The following GCNT2 variants were observed in gnomAD, a reference collection of about 807,000 sequenced individuals.
GCNT2 encodes glucosaminyl (N-acetyl) transferase 2 (I blood group), also known as N-acetyllactosaminide beta-1,6-N-acetylglucosaminyl-transferase.
A neutral mutation model predicts 34.2 loss-of-function variants in GCNT2; 34 were observed. The ratio of observed to expected loss-of-function variants is 1.00; its 90% CI spans 0.76 to 1.32. GCNT2 has a LOEUF of 1.32. GCNT2 is among the 40% of genes most tolerant of loss of function. The pLI is 0.00. For synonymous variants in GCNT2, 212 were observed against 188.0 expected (o/e 1.13, Z -1.04); for missense variants, 584 against 489.4 (o/e 1.19, Z -1.82).
chr6:10,523,701 T>C (rs535348041), intron 1 of GCNT2, among the ~76,000 whole-genome samples: 1 of 151,840 alleles, frequency 6.6e-6, no homozygotes, highest in Non-Finnish European at 1.5e-5. Flanking sequence ...GGCCGGGCGC[T>C]GTGGCTCATG....
Position 10,541,968 on chromosome 6 carries a change from T to TGGA in GCNT2, c.925+12135_925+12137dup, listed in dbSNP as rs1296447893. Reference sequence around the variant, plus strand: ...TTGCTGCTGCCAGAAAGCAGAATCTTGGAGGGTAGGGAGCTTTATATCTTT... The same window carrying TGGA: ...TTGCTGCTGCCAGAAAGCAGAATCTTGGAGGAGGGTAGGGAGCTTTATATCTTT... On this transcript the variant is annotated intron_variant, in intron 3 of 4. Transcript: ENST00000495262. Among the ~76,000 whole-genome samples, 16 of 152,272 alleles carry TGGA rather than the reference T, an allele frequency of 1.1e-4. No homozygotes were observed. The East Asian group carries it at 3.1e-3, about 29-fold the overall frequency.
intron 3 of GCNT2, among the ~76,000 whole-genome samples, chr6:10,558,165 G>A (rs1762808417): frequency 6.6e-6 from 1 of 152,154 alleles, no homozygotes; most frequent in Non-Finnish European, 1.5e-5. Flanking sequence ...CTATTTGCAT[G>A]GGTTTGTTCT....
intron 3 of GCNT2, among the ~76,000 whole-genome samples, chr6:10,549,667 G>C (rs947664639): frequency 1.3e-5 from 2 of 148,708 alleles, no homozygotes; most frequent in Admixed American, 6.8e-5. Context: ...CGCCTCTCAG[G>C]CTCAAGCAAT....
intron 3 of GCNT2, among the ~76,000 whole-genome samples, chr6:10,611,551 G>A (rs575723863): frequency 1.8e-3 from 280 of 151,970 alleles, no homozygotes; most frequent in Admixed American, 3.6e-3. Context: ...GGATGGTCTC[G>A]ATCTCTTGAT....
intron 3 of GCNT2, chr6:10,574,806 C>A (rs1763723864): frequency 1.6e-6 from 1 of 626,638 alleles, no homozygotes; most frequent in African/African-American, 1.8e-5. Flanking sequence ...CACTGGCTCT[C>A]ATAAAGTGTG....
At chr6:10,611,694 A>G (rs1765564124) in intron 3 of GCNT2, among the ~76,000 whole-genome samples, 1 of 151,980 alleles carries the variant, frequency 6.6e-6, no homozygotes, top group Admixed American at 6.5e-5. Flanking sequence ...CAAGTTATTT[A>G]ACACTACAAT....
chr6:10,564,660 G>C (rs892873171), intron 3 of GCNT2, among the ~76,000 whole-genome samples: 1 of 152,152 alleles, frequency 6.6e-6, no homozygotes, highest in African/African-American at 2.4e-5. Context: ...GTGTGACCTC[G>C]GACAAAGTAC....
At chr6:10,523,709 A>T (rs1052796692) in intron 1 of GCNT2, among the ~76,000 whole-genome samples, 1 of 152,056 alleles carries the variant, frequency 6.6e-6, no homozygotes, top group African/African-American at 2.4e-5. Flanking sequence ...GCTGTGGCTC[A>T]TGCCTGTAAT....
At chr6:10,542,184 T>C (rs956115367) in intron 3 of GCNT2, among the ~76,000 whole-genome samples, 1 of 152,184 alleles carries the variant, frequency 6.6e-6, no homozygotes, top group African/African-American at 2.4e-5. Flanking sequence ...AAGTCACTGA[T>C]AGAATCTACA....
intron 3 of GCNT2, among the ~76,000 whole-genome samples, chr6:10,562,671 A>AC (rs557546325): frequency 9.2e-5 from 14 of 151,450 alleles, no homozygotes; most frequent in Non-Finnish European, 1.3e-4. Context: ...AAAAAAAAAA[A>AC]AAAAAACAAA....
chr6:10,558,561 G>A (rs1762828756), intron 3 of GCNT2, among the ~76,000 whole-genome samples: 1 of 152,164 alleles, frequency 6.6e-6, no homozygotes, highest in South Asian at 2.1e-4. Context: ...TTCTTCTGAA[G>A]AAAACAGCGT....
intron 3 of GCNT2, among the ~76,000 whole-genome samples, chr6:10,544,368 G>C (rs1762171819): frequency 6.6e-6 from 1 of 151,726 alleles, no homozygotes; most frequent in South Asian, 2.1e-4. Context: ...ACTTTGGGAG[G>C]CTGAGGCAGG....
At chr6:10,527,068 A>G (rs1180495879) in intron 1 of GCNT2, among the ~76,000 whole-genome samples, 1 of 152,248 alleles carries the variant, frequency 6.6e-6, no homozygotes, top group Non-Finnish European at 1.5e-5. Context: ...ACAAATCAGT[A>G]TTACCTGGAA....
chr6:10,617,339 C>T (rs1029223833), intron 3 of GCNT2, among the ~76,000 whole-genome samples: 7 of 152,316 alleles, frequency 4.6e-5, no homozygotes, highest in Admixed American at 3.9e-4. Context: ...CACGCCCACC[C>T]GGAACTCACG....
Position 10,621,402 on chromosome 6 carries a change from T to C in GCNT2, c.977T>C (p.Ile326Thr). The C allele has an allele frequency of 6.2e-7, 1 of 1,613,694 alleles. No homozygotes were observed. The highest frequency in any genetic ancestry group is 1.1e-5 in the South Asian group (1 of 91,056). Residue 326 changes from isoleucine (I) to threonine (T), a missense_variant, in exon 4 of 5, where the codon ATA becomes ACA. Coordinates refer to ENST00000495262, the MANE Select transcript of GCNT2 (RefSeq NM_145649.5). ...TCCTGGACTGGAAACCTCAGAGCTA[T>C]AAAGTGGAGTGACATGGAAGACAGA... ...NASWTGNLRA[I>T]KWSDMEDRHG...
intron 3 of GCNT2, among the ~76,000 whole-genome samples, chr6:10,613,231 A>G (rs1183268296): frequency 6.6e-6 from 1 of 152,216 alleles, no homozygotes; most frequent in Non-Finnish European, 1.5e-5. Flanking sequence ...AAACGCAGTT[A>G]TTTGACTAAG....
chr6:10,541,563 G>T lies in GCNT2; in HGVS notation c.925+11727G>T, dbSNP rs556023633. On this transcript the variant is annotated intron_variant, in intron 3 of 4. Coordinates refer to ENST00000495262, the MANE Select transcript of GCNT2 (RefSeq NM_145649.5). Reference sequence around the variant, plus strand: ...CAAATTCCTATACGTTTTAGTTCAGGTCTAGAAAAGTAAAATCATTAATTA... The same window carrying T: ...CAAATTCCTATACGTTTTAGTTCAGTTCTAGAAAAGTAAAATCATTAATTA... 8.7e-4 allele frequency among the ~76,000 whole-genome samples: 132 copies of T among 152,218 alleles called. 1 individual carries two copies. Among genetic ancestry groups the T allele is most frequent in the African/African-American group, 3.1e-3 (127 of 41,526 alleles).
Position 10,626,664 on chromosome 6 carries a change from T to G in GCNT2, c.*57T>G. ...AACTGCAGCTGGGAAGAGGAGCCTG[T>G]TTTTGTGAGAGACTTTTGCCTTCGT... On this transcript the variant is annotated 3_prime_UTR_variant, in exon 5 of 5. Coordinates refer to ENST00000495262, the MANE Select transcript of GCNT2 (RefSeq NM_145649.5). 1 of 1,319,668 alleles carries G rather than the reference T, an allele frequency of 7.6e-7. No homozygotes were observed. Among genetic ancestry groups the G allele is most frequent in the South Asian group, 1.2e-5 (1 of 84,904 alleles). The allele number at this position is 1,319,668 out of a possible 1,614,324, so 81.7% of individuals were successfully genotyped here. A position where few individuals can be genotyped will look rare whatever the true frequency, so the allele number is the denominator to read the frequency against.
intron 3 of GCNT2, among the ~76,000 whole-genome samples, chr6:10,604,050 C>A (rs549044253): frequency 1.3e-5 from 2 of 152,046 alleles, no homozygotes; most frequent in African/African-American, 4.8e-5. Context: ...CGCACGCCAC[C>A]ACGCCCGGCT....
Sources: gnomAD v4.1 joint callset for allele counts (sites outside exome capture counted in the v4.1 genomes callset) on GRCh38, gnomAD v4.1.1 for gene constraint, MANE v1.5 for transcripts, NCBI Gene and HGNC (gene_info 2026-07-23, HGNC 2026-07-21) for gene names.